The following ASS1 variants were observed in gnomAD, a reference collection of about 807,000 sequenced individuals.
ASS1 encodes the protein argininosuccinate synthase.
In ASS1, 58 loss-of-function variants were observed where a neutral mutation model predicts 60.5. The observed-to-expected ratio is 0.96, with a 90% CI of 0.78 to 1.19. The LOEUF (loss-of-function observed/expected upper bound fraction) is 1.19, where lower values mean the gene tolerates loss of function less well. Ranked by LOEUF, ASS1 falls within the 50% of genes most tolerant of loss-of-function variation. ASS1 has a pLI of 0.00. For missense variants in ASS1, 454 were observed against 547.3 expected (o/e 0.83, Z 1.70); for synonymous variants, 200 against 206.9 (o/e 0.97, Z 0.29).
At chr9:130,471,989 C>T (rs1182091515) in intron 8 of ASS1, among the ~76,000 whole-genome samples, 3 of 152,158 alleles carry the variant, frequency 2.0e-5, no homozygotes, top group East Asian at 3.9e-4. Context: ...CACCCTGATC[C>T]GGTCCCAAGC....
At chr9:130,445,117 C>T (rs1239833088) in intron 1 of ASS1, 122 bp downstream of exon 1, 1 of 983,154 alleles carries the variant, frequency 1.0e-6, no homozygotes, top group Non-Finnish European at 1.2e-6. Flanking sequence ...AGGGCGGACC[C>T]CGATCGCCAC....
chr9:130,451,148 C>T (rs1284858632), intron 1 of ASS1, among the ~76,000 whole-genome samples: 2 of 152,086 alleles, frequency 1.3e-5, no homozygotes, highest in African/African-American at 4.8e-5. Flanking sequence ...AGGGCGAGCC[C>T]AAGGGCAGCC....
In ASS1 at chr9:130,489,256, TGTCA is replaced by T. The variant is rs1846387022; in HGVS notation, c.839-76_839-73del. 21 of 1,560,958 alleles carry T rather than the reference TGTCA, an allele frequency of 1.3e-5. No individual in the cohort carries two copies. The highest frequency in any genetic ancestry group is 6.8e-5 in the South Asian group (6 of 88,112). On this transcript the variant is annotated intron_variant, in intron 11 of 14. Coordinates refer to ENST00000352480, the MANE Select transcript of ASS1 (RefSeq NM_054012.4). The surrounding 1 kb of genome is among the most constrained non-coding windows in gnomAD (Gnocchi z 4.1). ...TCATTATTATTATTATTTTTTTTTT[TGTCA>T]TTTGCTGACAGTTTGGGTTTCATGC...
chr9:130,494,729 T>C lies in ASS1; in HGVS notation c.971-138T>C. 1 of 1,134,014 alleles carries C rather than the reference T, an allele frequency of 8.8e-7. No homozygotes were observed. The highest frequency in any genetic ancestry group is 2.7e-4 in the Middle Eastern group (1 of 3,662). The allele number at this position is 1,134,014 out of a possible 1,614,324, so 70.2% of individuals were successfully genotyped here. ...CAACTCAGCCACTGGCAAGCGCACA[T>C]TGTGCCAGTCTCGCGGGAGGCAGTC... is the stretch of plus-strand genomic sequence containing the variant. On this transcript the variant is annotated intron_variant, in intron 12 of 14. Coordinates refer to ENST00000352480, the MANE Select transcript of ASS1 (RefSeq NM_054012.4). This position sits in a 1 kb window ranked among gnomAD's most constrained non-coding sequence, Gnocchi z 4.3.
In ASS1 at chr9:130,471,504, G is replaced by C; in HGVS notation, c.586G>C (p.Glu196Gln). ...MHISYEAGIL[E>Q]NPKNQAPPGL... ...CCGCAGCTACGAGGCTGGAATCCTGGAGAACCCCAAGGTAATCCCCCAAAC... is the reference window on the plus strand; with the variant it reads ...CCGCAGCTACGAGGCTGGAATCCTGCAGAACCCCAAGGTAATCCCCCAAAC... Residue 196 changes from glutamate to glutamine, a missense_variant, in exon 8 of 15, where the codon GAG becomes CAG. Transcript: ENST00000352480. 6.2e-7 allele frequency: 1 copy of C among 1,614,106 alleles called. No homozygotes were observed. Among genetic ancestry groups the C allele is most frequent in the South Asian group, 1.1e-5 (1 of 91,072 alleles).
rs1017710319 is a variant in ASS1, at chr9:130,470,432, C to A, written c.496-402C>A. ...GTCCACAGGAAGCACTGCCTGGGCT[C>A]TGGTGCCAGGTGCCCCGGTCCACAG... On this transcript the variant is annotated intron_variant, in intron 6 of 14. Coordinates refer to ENST00000352480, the MANE Select transcript of ASS1 (RefSeq NM_054012.4). The surrounding 1 kb of genome is among the most constrained non-coding windows in gnomAD (Gnocchi z 4.3). Among the ~76,000 whole-genome samples the A allele has an allele frequency of 3.9e-5, 6 of 152,172 alleles. No homozygotes were observed. Among genetic ancestry groups the A allele is most frequent in the Non-Finnish European group, 5.9e-5 (4 of 68,020 alleles).
At chr9:130,485,015 GGGGCTCA>G (rs1349841954) in intron 11 of ASS1, among the ~76,000 whole-genome samples, 1 of 152,132 alleles carries the variant, frequency 6.6e-6, no homozygotes, top group African/African-American at 2.4e-5. Context: ...GCCGGTGCTG[GGGGCTCA>G]GGAAGAGGAG....
intron 3 of ASS1, among the ~76,000 whole-genome samples, chr9:130,457,675 C>G (rs1375530856): frequency 6.6e-6 from 1 of 152,084 alleles, no homozygotes; most frequent in East Asian, 1.9e-4. Flanking sequence ...ATTCCACCCC[C>G]CACCTGGTAG....
chr9:130,445,235 TCCCCGGGGGCGCG>T, intron 1 of ASS1: 4 of 24,160 alleles, frequency 1.7e-4, no homozygotes, highest in African/African-American at 4.4e-4. Flanking sequence ...GGGGCGCGAG[TCCCCGGGGGCGCG>T]AGTCCCCGGG....
chr9:130,484,994 G>A (rs1846273794), intron 11 of ASS1, among the ~76,000 whole-genome samples: 1 of 152,188 alleles, frequency 6.6e-6, no homozygotes, highest in South Asian at 2.1e-4. Context: ...TGGGAGGGTG[G>A]CAGCCAGGAA....
chr9:130,455,620 C>T (rs1038294162), intron 3 of ASS1, among the ~76,000 whole-genome samples: 5 of 152,252 alleles, frequency 3.3e-5, no homozygotes, highest in Non-Finnish European at 7.3e-5. Flanking sequence ...ATGTGGCAGG[C>T]AGACCCCTGT....
chr9:130,477,355 C>A lies in ASS1; in HGVS notation c.688+394C>A, dbSNP rs1015925094. Among the ~76,000 whole-genome samples, 2 of 152,158 alleles carry A rather than the reference C, an allele frequency of 1.3e-5. No homozygotes were observed. Among genetic ancestry groups the A allele is most frequent in the African/African-American group, 4.8e-5 (2 of 41,448 alleles). ...TGCAAGGGAGCGTCCAGCCCTGGGCCCTGACCCCGGAAGGTGCTCAGTAAA... is the reference window on the plus strand; with the variant it reads ...TGCAAGGGAGCGTCCAGCCCTGGGCACTGACCCCGGAAGGTGCTCAGTAAA... On this transcript the variant is annotated intron_variant, in intron 9 of 14. Coordinates refer to ENST00000352480, the MANE Select transcript of ASS1 (RefSeq NM_054012.4). The surrounding 1 kb of genome is among the most constrained non-coding windows in gnomAD (Gnocchi z 4.2).
In ASS1 at chr9:130,458,467, G is replaced by A. The variant is rs141640176; in HGVS notation, c.241G>A (p.Ala81Thr). 1.5e-4 allele frequency: 238 copies of A among 1,612,324 alleles called. 2 individuals carry two copies. The highest frequency in any genetic ancestry group is 1.2e-3 in the South Asian group (106 of 90,998). The change falls in exon 4 of 15, where the codon GCA (alanine) becomes ACA (threonine). Residue 81 changes from alanine to threonine, a missense_variant. Transcript: ENST00000352480. ...EFIWPAIQSS[A>T]LYEDRYLLGT... ...CATCTGGCCGGCCATCCAGTCCAGCGCACTGTATGAGGACCGCTACCTCCT... is the reference window on the plus strand; with the variant it reads ...CATCTGGCCGGCCATCCAGTCCAGCACACTGTATGAGGACCGCTACCTCCT...
intron 6 of ASS1, among the ~76,000 whole-genome samples, chr9:130,469,720 A>T (rs989938914): frequency 2.0e-5 from 3 of 152,234 alleles, no homozygotes; most frequent in Non-Finnish European, 4.4e-5. Flanking sequence ...CCCCGAAACC[A>T]GAGCATTTAG....
intron 2 of ASS1, 70 bp downstream of exon 2, chr9:130,452,403 C>G: frequency 7.2e-7 from 1 of 1,381,596 alleles, no homozygotes; most frequent in Non-Finnish European, 1.0e-6. Context: ...CCCTGCCAGC[C>G]TCTGTCTGGG....
In ASS1 at chr9:130,479,739, G is replaced by C; in HGVS notation, c.712G>C (p.Val238Leu). Residue 238 changes from valine to leucine, a missense_variant, in exon 10 of 15, where the codon GTC becomes CTC. Physicochemically the swap from Val to Leu is conservative, Grantham distance 32. Transcript: ENST00000352480. ...AGGGGTCCCTGTGAAGGTGACCAAC[G>C]TCAAGGATGGCACCACCCACCAGAC... is the stretch of plus-strand genomic sequence containing the variant. ...KKGVPVKVTN[V>L]KDGTTHQTSL... The C allele has an allele frequency of 6.2e-7, 1 of 1,614,166 alleles. No homozygotes were observed. Among genetic ancestry groups the C allele is most frequent in the Non-Finnish European group, 8.5e-7 (1 of 1,180,022 alleles).
Position 130,458,397 on chromosome 9 carries a change from G to T in ASS1, c.175-4G>T, listed in dbSNP as rs370817871. On this transcript the variant is annotated splice_polypyrimidine_tract_variant and splice_region_variant and intron_variant, in intron 3 of 14. Transcript: ENST00000352480. ...TTCTTCCTTCTGGGCTCCTCTTCCC[G>T]TAGGTGTTCATTGAGGATGTCAGCA... is the stretch of plus-strand genomic sequence containing the variant. The T allele has an allele frequency of 9.3e-6, 15 of 1,611,910 alleles. No individual in the cohort carries two copies. In the Admixed American group the frequency reaches 2.0e-4, roughly 21 times the overall value.
intron 8 of ASS1, among the ~76,000 whole-genome samples, chr9:130,474,856 C>T (rs1845976468): frequency 6.6e-6 from 1 of 152,246 alleles, no homozygotes; most frequent in Non-Finnish European, 1.5e-5. Context: ...CCTTGGCTTT[C>T]CCTGTGGTCC....
chr9:130,493,642 G>C (rs1846507361), intron 12 of ASS1, among the ~76,000 whole-genome samples: 1 of 152,218 alleles, frequency 6.6e-6, no homozygotes, highest in African/African-American at 2.4e-5. Flanking sequence ...CCCTTTATCA[G>C]GGCAGGAGAT....
Sources: allele counts gnomAD v4.1 joint callset (sites outside exome capture counted in the v4.1 genomes callset), GRCh38; gene constraint gnomAD v4.1.1; non-coding constraint Gnocchi (gnomAD v3.1); transcripts MANE v1.5; gene names NCBI Gene and HGNC (gene_info 2026-07-23, HGNC 2026-07-21).